Variants in MID1 observed in about 807,000 individuals in gnomAD.
The protein encoded by MID1 is E3 ubiquitin-protein ligase Midline-1.
Under a neutral mutation model 40.4 loss-of-function variants are expected in MID1, and 7 were observed. That is an observed-to-expected ratio of 0.17 (90% CI 0.10 to 0.33). The LOEUF (loss-of-function observed/expected upper bound fraction) is 0.33. Ranked by LOEUF, MID1 falls within the 10% of genes least tolerant of loss-of-function variation. The pLI, the probability that MID1 is intolerant of heterozygous loss-of-function variation, is 1.00. For missense variants in MID1, 367 were observed against 558.5 expected (o/e 0.66, Z 3.46); for synonymous variants, 229 against 221.2 (o/e 1.04, Z -0.31).
At chrX:10,661,738 A>G (rs995007244) in intron 1 of MID1, among the ~76,000 whole-genome samples, 3 of 112,304 alleles carry the variant, frequency 2.7e-5, no homozygotes, top group Non-Finnish European at 3.8e-5. Flanking sequence ...GAATATTACT[A>G]TTACAGAACC....
intron 1 of MID1, among the ~76,000 whole-genome samples, chrX:10,730,097 T>A (rs181034503): frequency 0.07 from 7,339 of 104,781 alleles, 264 homozygotes; most frequent in South Asian, 0.12. Flanking sequence ...AAAAAAAAAA[T>A]AAATAAATGA....
chrX:10,623,893 AG>A (rs199546213), upstream of MID1, among the ~76,000 whole-genome samples: 1,510 of 111,560 alleles, frequency 0.014, 26 homozygotes, highest in African/African-American at 0.043. Context: ...TCAGAAATCC[AG>A]TTGTTTTATT....
At chrX:10,619,201 G>A in intron 1 of MID1, among the ~76,000 whole-genome samples, 1 of 112,129 alleles carries the variant, frequency 8.9e-6, no homozygotes, top group East Asian at 2.8e-4. Context: ...TGTGGGAAAG[G>A]GACAGAAAGT....
intron 1 of MID1, among the ~76,000 whole-genome samples, chrX:10,695,861 A>G (rs1016314427): frequency 8.9e-6 from 1 of 111,971 alleles, no homozygotes; most frequent in African/African-American, 3.2e-5. Flanking sequence ...ATATAAAAAT[A>G]CACAGTATGA....
At chrX:10,787,286 A>G (rs2043892595) in intron 1 of MID1, among the ~76,000 whole-genome samples, 1 of 110,251 alleles carries the variant, frequency 9.1e-6, no homozygotes, top group Non-Finnish European at 1.9e-5. Context: ...CTGAAACACC[A>G]AACTGTTAAA....
intron 1 of MID1, among the ~76,000 whole-genome samples, chrX:10,730,734 GC>G (rs2043442075): frequency 9.2e-6 from 1 of 109,242 alleles, no homozygotes. Context: ...ACCACGCCCG[GC>G]TAATTTTTTG....
chrX:10,819,312 G>T (rs949617680), intron 1 of MID1, among the ~76,000 whole-genome samples: 1 of 111,878 alleles, frequency 8.9e-6, no homozygotes, highest in African/African-American at 3.2e-5. Flanking sequence ...CTAATTAAAT[G>T]AAATTAATTT....
rs1395831235 is a variant in MID1, at chrX:10,768,165, T to A, written c.-187+65389A>T. The stretch of plus-strand genomic sequence containing the variant: ...AGTTGTTTTTATTATATATAAAAGA[T>A]ACTGGTATTATTAATATAAGCAGAA... On this transcript the variant is annotated intron_variant, in intron 1 of 10. Transcript: ENST00000380785. Among the ~76,000 whole-genome samples the A allele has an allele frequency of 2.7e-5, 3 of 111,590 alleles. No homozygotes were observed. The East Asian group carries it at 8.3e-4, about 31-fold the overall frequency.
chrX:10,689,789 AT>A (rs954318941), intron 1 of MID1, among the ~76,000 whole-genome samples: 1 of 107,279 alleles, frequency 9.3e-6, no homozygotes. Context: ...CTCCTTACAC[AT>A]TTTTTCCCCT....
At chrX:10,724,386 A>G (rs2043376785) in intron 1 of MID1, among the ~76,000 whole-genome samples, 3 of 112,039 alleles carry the variant, frequency 2.7e-5, no homozygotes, top group Admixed American at 9.5e-5. Context: ...TGTCAGAGTA[A>G]GATGCTGGGT....
intron 7 of MID1, 120 bp downstream of exon 7, chrX:10,469,577 A>C (rs1204645726): frequency 8.3e-7 from 1 of 1,209,249 alleles, no homozygotes; most frequent in Non-Finnish European, 1.1e-6. Context: ...AAGAAAGACA[A>C]GTCAATAAAT....
chrX:10,715,023 C>G, intron 1 of MID1, among the ~76,000 whole-genome samples: 1 of 112,618 alleles, frequency 8.9e-6, no homozygotes, highest in African/African-American at 3.2e-5. Context: ...AATTGGCATG[C>G]AATAGAAAGT....
At chrX:10,516,760 C>T (rs777824060) in intron 3 of MID1, among the ~76,000 whole-genome samples, 9 of 110,675 alleles carry the variant, frequency 8.1e-5, no homozygotes, top group African/African-American at 2.6e-4. Context: ...GGATTACAGG[C>T]GCACACCACC....
chrX:10,506,571 C>T (rs370719761), intron 3 of MID1: 1 of 505,442 alleles, frequency 2.0e-6, no homozygotes. Context: ...GCATTAACTT[C>T]CCTTTGGAAT....
intron 1 of MID1, among the ~76,000 whole-genome samples, chrX:10,794,417 T>C (rs1030597429): frequency 8.9e-6 from 1 of 112,190 alleles, no homozygotes; most frequent in African/African-American, 3.2e-5. Flanking sequence ...GTCATAGAAA[T>C]GTAGCAAACA....
chrX:10,545,551 T>C (rs1933649368), intron 2 of MID1, among the ~76,000 whole-genome samples: 1 of 111,787 alleles, frequency 8.9e-6, no homozygotes, highest in Non-Finnish European at 1.9e-5. Flanking sequence ...TCTTCACCCT[T>C]TTCCCACTCT....
At chrX:10,816,813 C>T (rs187329124) in intron 1 of MID1, among the ~76,000 whole-genome samples, 1 of 111,787 alleles carries the variant, frequency 8.9e-6, no homozygotes, top group Non-Finnish European at 1.9e-5. Flanking sequence ...AACTTGAGAG[C>T]ATGTTTGGGG....
chrX:10,592,146 G>GGT (rs61450722), intron 1 of MID1, among the ~76,000 whole-genome samples: 1,348 of 102,308 alleles, frequency 0.013, 10 homozygotes, highest in Admixed American at 0.017. Context: ...AATGGCTTGT[G>GGT]GTGTGTGTGT....
rs185281961 is a variant in MID1, at chrX:10,536,300, A to G, written c.661-13113T>C. ...TTGATTGATGGCCACTTGCCTGGGG[A>G]AAAAAAAAATAGATTTTCTAGAAAG... is the stretch of plus-strand genomic sequence containing the variant. On this transcript the variant is annotated intron_variant, in intron 2 of 9. Coordinates refer to ENST00000317552, the MANE Select transcript of MID1 (RefSeq NM_000381.4). 4.9e-3 allele frequency among the ~76,000 whole-genome samples: 535 copies of G among 109,090 alleles called. 2 individuals are homozygous for G. Among genetic ancestry groups the G allele is most frequent in the African/African-American group, 0.014 (436 of 30,121 alleles). The allele number at this position is 109,090 out of a possible 115,157, so 94.7% of individuals were successfully genotyped here.
Sources: allele counts gnomAD v4.1 joint callset (sites outside exome capture counted in the v4.1 genomes callset), GRCh38; gene constraint gnomAD v4.1.1; transcripts MANE v1.5; gene names NCBI Gene and HGNC (gene_info 2026-07-23, HGNC 2026-07-21).